RUFY4: variants seen among roughly 807,000 people sequenced by gnomAD.
RUFY4 encodes the protein RUN and FYVE domain containing 4.
Under a neutral mutation model 69.0 loss-of-function variants are expected in RUFY4, and 73 were observed. The ratio of observed to expected loss-of-function variants is 1.06; its 90% CI spans 0.88 to 1.29. The LOEUF (loss-of-function observed/expected upper bound fraction) is 1.29. RUFY4 is among the 50% of genes most tolerant of loss of function. The pLI, the probability that RUFY4 is intolerant of heterozygous loss-of-function variation, is 0.00. For missense variants in RUFY4, 770 were observed against 705.6 expected, an observed-to-expected ratio of 1.09 and a Z score of -1.03; for synonymous variants, 287 against 271.8, an observed-to-expected ratio of 1.06 and a Z score of -0.55.
intron 8 of RUFY4, among the ~76,000 whole-genome samples, chr2:218,081,776 C>T (rs923844485): frequency 5.3e-5 from 8 of 152,246 alleles, no homozygotes; most frequent in South Asian, 2.1e-4. Flanking sequence ...CACCAGAACG[C>T]TCTTGGGGTT....
intron 2 of RUFY4, among the ~76,000 whole-genome samples, chr2:218,039,000 C>T (rs760942406): frequency 6.6e-6 from 1 of 152,188 alleles, no homozygotes; most frequent in Non-Finnish European, 1.5e-5. Context: ...AGTGGGCAAT[C>T]GGTTGCATAA....
intron 9 of RUFY4, 105 bp from the exon 12 acceptor site, chr2:218,089,147 G>A (rs1437983988): frequency 7.3e-6 from 6 of 824,500 alleles, no homozygotes; most frequent in South Asian, 5.0e-5. Flanking sequence ...TCCTCTCTGT[G>A]TGATTCCGTC....
intron 8 of RUFY4, among the ~76,000 whole-genome samples, chr2:218,077,084 G>C (rs1433047350): frequency 2.6e-5 from 4 of 152,186 alleles, no homozygotes; most frequent in African/African-American, 7.2e-5. Context: ...ATTTTATAGA[G>C]GAGGAAGCTG....
intron 6 of RUFY4, among the ~76,000 whole-genome samples, chr2:218,074,764 A>C (rs892175755): frequency 6.6e-6 from 1 of 152,086 alleles, no homozygotes; most frequent in African/African-American, 2.4e-5. Flanking sequence ...GTAGTTCGGG[A>C]GGAAAAATTA....
At chr2:218,068,161 T>C (rs866165342), upstream of RUFY4, among the ~76,000 whole-genome samples, 6 of 50,752 alleles carry the variant, frequency 1.2e-4, no homozygotes, top group African/African-American at 2.7e-4. Flanking sequence ...GACTGGAGGA[T>C]GGCAGGGGGT....
chr2:218,043,630 T>C (rs1465120932), intron 2 of RUFY4, among the ~76,000 whole-genome samples: 2 of 152,278 alleles, frequency 1.3e-5, no homozygotes, highest in Middle Eastern at 3.4e-3. Context: ...GGGGTATGCA[T>C]TGTCTTCAGA....
intron 2 of RUFY4, among the ~76,000 whole-genome samples, chr2:218,053,549 G>A (rs758481630): frequency 5.3e-5 from 8 of 151,734 alleles, no homozygotes; most frequent in African/African-American, 9.7e-5. Context: ...TTGCTCTGTC[G>A]CCCAGGCTGG....
chr2:218,076,491 A>C, exon 8 of RUFY4: 1 of 1,551,088 alleles, frequency 6.4e-7, no homozygotes, highest in Non-Finnish European at 8.7e-7. Context: ...CTGCTGAGGG[A>C]GCAGGAGGGG....
chr2:218,081,406 C>G (rs924629092), intron 8 of RUFY4, among the ~76,000 whole-genome samples: 2 of 152,212 alleles, frequency 1.3e-5, no homozygotes, highest in Admixed American at 6.5e-5. Context: ...GTCTGAGAAG[C>G]CTCTCCAAGA....
At chr2:218,062,561 A>G (rs551654996) in intron 3 of RUFY4, among the ~76,000 whole-genome samples, 1 of 152,108 alleles carries the variant, frequency 6.6e-6, no homozygotes, top group Non-Finnish European at 1.5e-5. Context: ...ACTACAAAAA[A>G]TTAGCTGGGC....
In RUFY4 at chr2:218,070,877, C is replaced by A; in HGVS notation, c.153+18C>A. The A allele has an allele frequency of 7.3e-6, 11 of 1,515,076 alleles. No homozygotes were observed. Among genetic ancestry groups the A allele is most frequent in the Non-Finnish European group, 9.7e-6 (11 of 1,131,258 alleles). The allele number at this position is 1,515,076 out of a possible 1,614,324, so 93.9% of individuals were successfully genotyped here. ...TGCTGCAGGTGGGACCTTCTCCTCCCCTTCCCCATCCCTCTCCCCAGACCC... is the reference window on the plus strand; with the variant it reads ...TGCTGCAGGTGGGACCTTCTCCTCCACTTCCCCATCCCTCTCCCCAGACCC... On this transcript the variant is annotated intron_variant, in intron 2 of 10. Transcript: ENST00000344321.
chr2:218,086,398 A>G (rs1321700604), intron 9 of RUFY4, among the ~76,000 whole-genome samples: 1 of 152,354 alleles, frequency 6.6e-6, no homozygotes, highest in East Asian at 1.9e-4. Context: ...AGTTAGATAC[A>G]TCATTATGAA....
chr2:218,036,430 G>A (rs1444062569), intron 2 of RUFY4, among the ~76,000 whole-genome samples: 2 of 148,262 alleles, frequency 1.3e-5, no homozygotes, highest in East Asian at 3.9e-4. Flanking sequence ...CCTACGACTG[G>A]GTTAAATTAA....
intron 9 of RUFY4, among the ~76,000 whole-genome samples, chr2:218,088,815 T>G (rs1006752654): frequency 1.3e-5 from 2 of 152,132 alleles, no homozygotes; most frequent in African/African-American, 2.4e-5. Flanking sequence ...TCCATATCTG[T>G]GTCTTCTCCT....
chr2:218,047,674 G>T (rs903663461), intron 2 of RUFY4, among the ~76,000 whole-genome samples: 27 of 151,974 alleles, frequency 1.8e-4, no homozygotes, highest in Non-Finnish European at 3.1e-4. Context: ...CGAAAATTAG[G>T]ATGTACGTGG....
chr2:218,061,409 C>T (rs77326308), intron 3 of RUFY4: 3,079 of 222,848 alleles, frequency 0.014, 107 homozygotes, highest in African/African-American at 0.067. Flanking sequence ...CAAAATTTTC[C>T]ATTTTTGAGG....
intron 8 of RUFY4, among the ~76,000 whole-genome samples, chr2:218,077,320 G>A (rs1415984579): frequency 6.6e-6 from 1 of 152,142 alleles, no homozygotes; most frequent in Non-Finnish European, 1.5e-5. Flanking sequence ...ACAGCACGCT[G>A]TCTGTCTCTA....
rs750009317 is a variant in RUFY4 at position 218,075,429 on chromosome 2, G to C, written c.937G>C (p.Glu313Gln). The stretch of plus-strand genomic sequence containing the variant: ...CACTCAGAAGGAGGTGATAGGGATG[G>C]AGGCTGAGGTCACAGGGGTTCTGCT... Residue 313 changes from glutamate to glutamine, a missense_variant, in exon 7 of 11, where the codon GAG becomes CAG. Physicochemically the swap from Glu to Gln is conservative, Grantham distance 29. Coordinates refer to ENST00000344321, the Ensembl canonical transcript of RUFY4. 1.9e-6 allele frequency: 3 copies of C among 1,612,384 alleles called. No individual in the cohort carries two copies. The South Asian group carries it at 3.3e-5, about 18-fold the overall frequency.
chr2:218,072,469 G>C, exon 3 of RUFY4: 1 of 1,537,310 alleles, frequency 6.5e-7, no homozygotes. Flanking sequence ...GAAACATGGA[G>C]CCAATCCACT....
Sources: gnomAD v4.1 joint callset for allele counts (sites outside exome capture counted in the v4.1 genomes callset) on GRCh38, gnomAD v4.1.1 for gene constraint, MANE v1.5 for transcripts, NCBI Gene and HGNC (gene_info 2026-07-23, HGNC 2026-07-21) for gene names.